Variants in LRRTM4 observed in about 807,000 individuals in gnomAD.
LRRTM4 encodes leucine-rich repeat transmembrane neuronal protein 4.
LRRTM4 carries 25 observed loss-of-function variants against 47.6 expected under a neutral mutation model. The ratio of observed to expected loss-of-function variants is 0.53; its 90% CI spans 0.38 to 0.73. The LOEUF is 0.73. Among genes scored for constraint, LRRTM4 ranks in the 30% least tolerant of loss-of-function variants. LRRTM4 has a pLI of 0.00. For missense variants in LRRTM4, 638 were observed against 713.4 expected (o/e 0.89, Z 1.20); for synonymous variants, 311 against 269.5 (o/e 1.15, Z -1.51).
intron 3 of LRRTM4, among the ~76,000 whole-genome samples, chr2:77,240,237 A>C (rs1675219668): frequency 6.6e-6 from 1 of 151,968 alleles, no homozygotes; most frequent in African/African-American, 2.4e-5. Context: ...TAATTGAATA[A>C]ATAGGTAAAC....
At chr2:77,233,467 G>A (rs115429585) in intron 3 of LRRTM4, among the ~76,000 whole-genome samples, 1 of 151,638 alleles carries the variant, frequency 6.6e-6, no homozygotes, top group African/African-American at 2.4e-5. Flanking sequence ...GGGGTATCTT[G>A]GAATTACACT....
At chr2:77,416,207 A>T (rs538662168) in intron 3 of LRRTM4, among the ~76,000 whole-genome samples, 8 of 152,054 alleles carry the variant, frequency 5.3e-5, no homozygotes, top group Non-Finnish European at 1.2e-4. Flanking sequence ...TTGTCCTTTA[A>T]GTCTTGTGGA....
chr2:77,003,513 G>T (rs887707413), intron 3 of LRRTM4, among the ~76,000 whole-genome samples: 7 of 152,104 alleles, frequency 4.6e-5, no homozygotes, highest in Non-Finnish European at 1.0e-4. Flanking sequence ...TTTGTAAAGG[G>T]AAGTTTCCCT....
chr2:76,870,883 A>G (rs927059222), intron 3 of LRRTM4, among the ~76,000 whole-genome samples: 8 of 152,264 alleles, frequency 5.3e-5, no homozygotes, highest in Non-Finnish European at 1.2e-4. Flanking sequence ...AAAAACACAC[A>G]CAGAAATTCT....
At chr2:77,179,658 C>T (rs988562618) in intron 3 of LRRTM4, among the ~76,000 whole-genome samples, 2 of 151,998 alleles carry the variant, frequency 1.3e-5, no homozygotes, top group Non-Finnish European at 2.9e-5. Flanking sequence ...ATAAAACTGT[C>T]CTAATAAGGT....
intron 3 of LRRTM4, among the ~76,000 whole-genome samples, chr2:77,196,235 G>A (rs1359507875): frequency 6.6e-6 from 1 of 152,128 alleles, no homozygotes; most frequent in Non-Finnish European, 1.5e-5. Context: ...GCAGAGTGAT[G>A]TTGCAAGATA....
chr2:77,081,659 T>A lies in LRRTM4; in HGVS notation c.1552-332743A>T, dbSNP rs187021743. Among the ~76,000 whole-genome samples, 297 of 152,276 alleles carry A rather than the reference T, an allele frequency of 2.0e-3. 4 individuals carry two copies. Among genetic ancestry groups the A allele is most frequent in the African/African-American group, 6.9e-3 (287 of 41,572 alleles). ...TTGTCAAGTTTGGGGTTCTATATAT[T>A]TTTCTCAAATCTTATTTCATTAGCA... is the stretch of plus-strand genomic sequence containing the variant. On this transcript the variant is annotated intron_variant, in intron 3 of 3. Coordinates refer to ENST00000409884, the MANE Select transcript of LRRTM4 (RefSeq NM_001134745.3).
At chr2:77,015,627 G>A (rs535937287) in intron 3 of LRRTM4, among the ~76,000 whole-genome samples, 1 of 151,308 alleles carries the variant, frequency 6.6e-6, no homozygotes, top group South Asian at 2.1e-4. Context: ...CCCGGCGGAA[G>A]TTTTACTTTA....
intron 3 of LRRTM4, among the ~76,000 whole-genome samples, chr2:76,839,276 C>T (rs1671605695): frequency 6.6e-6 from 1 of 152,048 alleles, no homozygotes; most frequent in South Asian, 2.1e-4. Context: ...GAAAGGGAAG[C>T]TCTGAAAGCA....
At chr2:77,074,218 T>A (rs2103836710) in intron 3 of LRRTM4, among the ~76,000 whole-genome samples, 1 of 152,334 alleles carries the variant, frequency 6.6e-6, no homozygotes, top group Middle Eastern at 3.4e-3. Context: ...TTATACTTGT[T>A]ATAACATAGA....
intron 3 of LRRTM4, among the ~76,000 whole-genome samples, chr2:77,219,302 C>A (rs936471153): frequency 1.3e-5 from 2 of 152,108 alleles, no homozygotes; most frequent in Admixed American, 6.6e-5. Context: ...TTTGCATCTA[C>A]TTTGCCTATA....
rs74863835 is a variant in LRRTM4 at position 77,319,969 on chromosome 2, A to G, written c.1551+198349T>C. Among the ~76,000 whole-genome samples the G allele has an allele frequency of 9.6e-4, 146 of 152,268 alleles. 1 individual carries two copies. Among genetic ancestry groups the G allele is most frequent in the African/African-American group, 3.1e-3 (127 of 41,556 alleles). On this transcript the variant is annotated intron_variant, in intron 3 of 3. Coordinates refer to ENST00000409884, the MANE Select transcript of LRRTM4 (RefSeq NM_001134745.3). ...CACTTAGAAGTTAAACTACTTTTTT[A>G]TTAACTTTCAATAAACAGTGAAAAA... is the stretch of plus-strand genomic sequence containing the variant.
intron 3 of LRRTM4, 97 bp from the exon 4 acceptor site, chr2:76,749,013 G>C: frequency 2.2e-6 from 2 of 895,718 alleles, no homozygotes; most frequent in Non-Finnish European, 3.5e-6. Context: ...CTTTCATGCT[G>C]TTTCAAGTCA....
At chr2:76,761,503 G>A (rs1001438511) in intron 3 of LRRTM4, among the ~76,000 whole-genome samples, 3 of 152,176 alleles carry the variant, frequency 2.0e-5, no homozygotes, top group Admixed American at 1.3e-4. Flanking sequence ...ATAGCTACTT[G>A]TAGGTGAATT....
chr2:76,952,192 A>C (rs1159192758), intron 3 of LRRTM4, among the ~76,000 whole-genome samples: 1 of 151,978 alleles, frequency 6.6e-6, no homozygotes, highest in Non-Finnish European at 1.5e-5. Flanking sequence ...ATTGACAGGG[A>C]AGAGATAGTT....
At chr2:77,276,581 T>C (rs1676362124) in intron 3 of LRRTM4, among the ~76,000 whole-genome samples, 1 of 149,592 alleles carries the variant, frequency 6.7e-6, no homozygotes, top group Non-Finnish European at 1.5e-5. Context: ...TCTTGCATAA[T>C]TAGTGCTAAA....
At chr2:77,444,226 A>T (rs1319728151) in intron 3 of LRRTM4, among the ~76,000 whole-genome samples, 3 of 152,166 alleles carry the variant, frequency 2.0e-5, no homozygotes, top group African/African-American at 7.2e-5. Flanking sequence ...TCATGGATAG[A>T]TACCGAATAT....
chr2:77,252,518 A>G (rs2104017611), intron 3 of LRRTM4, among the ~76,000 whole-genome samples: 1 of 148,710 alleles, frequency 6.7e-6, no homozygotes, highest in East Asian at 2.0e-4. Flanking sequence ...TTTAGATTTT[A>G]GGGCCTCTGA....
rs1573535313 is a variant in LRRTM4 at position 77,075,846 on chromosome 2, C to T, written c.1552-326930G>A. Among the ~76,000 whole-genome samples the T allele has an allele frequency of 3.9e-5, 5 of 126,704 alleles. No homozygotes were observed. The East Asian group carries it at 1.2e-3, about 32-fold the overall frequency. The allele number at this position is 126,704 out of a possible 152,430, so 83.1% of individuals were successfully genotyped here. A position where few individuals can be genotyped will look rare whatever the true frequency, so the allele number is the denominator to read the frequency against. Reference sequence around the variant, plus strand: ...AGGAGAATGGCGTGAACCCGGGAGGCAGAGCTTGCAGTGAGCCGAGATCCC... The same window carrying T: ...AGGAGAATGGCGTGAACCCGGGAGGTAGAGCTTGCAGTGAGCCGAGATCCC... On this transcript the variant is annotated intron_variant, in intron 3 of 3. Transcript: ENST00000409884.
Sources: gnomAD v4.1 joint callset for allele counts (sites outside exome capture counted in the v4.1 genomes callset) on GRCh38, gnomAD v4.1.1 for gene constraint, MANE v1.5 for transcripts, NCBI Gene and HGNC (gene_info 2026-07-23, HGNC 2026-07-21) for gene names.